The following EDIL3 variants were observed in gnomAD, a reference collection of about 807,000 sequenced individuals.
EDIL3 encodes EGF like and discoidin domains 3.
In EDIL3, 37 loss-of-function variants were observed where a neutral mutation model predicts 67.4. The observed-to-expected ratio is 0.55, with a 90% CI of 0.42 to 0.72. The LOEUF (loss-of-function observed/expected upper bound fraction) is 0.72, where lower values mean the gene tolerates loss of function less well. Among genes scored for constraint, EDIL3 ranks in the 30% least tolerant of loss-of-function variants. The pLI, the probability that EDIL3 is intolerant of heterozygous loss-of-function variation, is 0.00. For missense variants in EDIL3, 527 were observed against 586.3 expected, an observed-to-expected ratio of 0.90 and a Z score of 1.04; for synonymous variants, 195 against 196.3, an observed-to-expected ratio of 0.99 and a Z score of 0.05.
At chr5:84,076,795 C>A (rs951544643) in intron 6 of EDIL3, among the ~76,000 whole-genome samples, 2 of 152,088 alleles carry the variant, frequency 1.3e-5, no homozygotes, top group African/African-American at 4.8e-5. Flanking sequence ...CAATATCTGC[C>A]TGATACCCAG....
intron 4 of EDIL3, among the ~76,000 whole-genome samples, chr5:84,140,457 A>G (rs2112319337): frequency 6.6e-6 from 1 of 152,302 alleles, no homozygotes; most frequent in Non-Finnish European, 1.5e-5. Flanking sequence ...ATGTGAGCGT[A>G]AATCTAATTG....
In EDIL3 at chr5:84,301,163, G is replaced by A. The variant is rs568142258; in HGVS notation, c.68-46951C>T. Reference sequence around the variant, plus strand: ...CATGCCTGTAATCCCGGCTACTCGGGAGGCTGAGGCGGGAGAATCGCTTGA... The same window carrying A: ...CATGCCTGTAATCCCGGCTACTCGGAAGGCTGAGGCGGGAGAATCGCTTGA... On this transcript the variant is annotated intron_variant, in intron 1 of 10. Coordinates refer to ENST00000296591, the MANE Select transcript of EDIL3 (RefSeq NM_005711.5). Among the ~76,000 whole-genome samples the A allele has an allele frequency of 6.6e-5, 10 of 152,140 alleles. No homozygotes were observed. In the East Asian group the frequency reaches 1.9e-3, roughly 30 times the overall value.
chr5:84,034,267 T>C (rs1242758346), intron 9 of EDIL3, among the ~76,000 whole-genome samples: 1 of 152,208 alleles, frequency 6.6e-6, no homozygotes, highest in Non-Finnish European at 1.5e-5. Flanking sequence ...AATCATTTCA[T>C]TGAGAAAAGA....
At chr5:84,062,763 G>A (rs1382665896) in intron 8 of EDIL3, among the ~76,000 whole-genome samples, 1 of 152,074 alleles carries the variant, frequency 6.6e-6, no homozygotes, top group Non-Finnish European at 1.5e-5. Context: ...GGATTGTGGG[G>A]AGTAGTTTGG....
chr5:84,290,542 T>C (rs760726163), intron 1 of EDIL3, among the ~76,000 whole-genome samples: 1 of 151,916 alleles, frequency 6.6e-6, no homozygotes, highest in South Asian at 2.1e-4. Flanking sequence ...AAAAAAAGAG[T>C]CTGACCTTCT....
intron 10 of EDIL3, 152 bp downstream of exon 10, chr5:83,963,053 G>T: frequency 9.3e-7 from 1 of 1,075,738 alleles, no homozygotes; most frequent in Non-Finnish European, 1.2e-6. Flanking sequence ...CCCCTTTACA[G>T]TACTATTCTT....
intron 2 of EDIL3, among the ~76,000 whole-genome samples, chr5:84,231,435 C>T (rs886819758): frequency 2.0e-5 from 3 of 152,186 alleles, no homozygotes; most frequent in Admixed American, 2.0e-4. Context: ...AGTCCTATTT[C>T]ACTTGATTCA....
At chr5:84,069,938 G>A (rs114031542) in intron 6 of EDIL3, among the ~76,000 whole-genome samples, 4 of 152,230 alleles carry the variant, frequency 2.6e-5, no homozygotes, top group Non-Finnish European at 4.4e-5. Context: ...GTGGCTGGAT[G>A]TGGAGAGGAG....
chr5:84,359,427 A>G lies in EDIL3; in HGVS notation c.67+24881T>C, dbSNP rs1747551598. Among the ~76,000 whole-genome samples the G allele has an allele frequency of 3.3e-5, 5 of 152,338 alleles. No individual in the cohort carries two copies. In the South Asian group the frequency reaches 1.0e-3, roughly 32 times the overall value. Reference sequence around the variant, plus strand: ...TATGCAATTTTATTCTGAAATAAATAACAAACACAAGACTTAAATTTTAAC... The same window carrying G: ...TATGCAATTTTATTCTGAAATAAATGACAAACACAAGACTTAAATTTTAAC... On this transcript the variant is annotated intron_variant, in intron 1 of 10. Coordinates refer to ENST00000296591, the MANE Select transcript of EDIL3 (RefSeq NM_005711.5).
intron 1 of EDIL3, among the ~76,000 whole-genome samples, chr5:84,312,373 G>T (rs1339375623): frequency 2.2e-5 from 3 of 139,270 alleles, no homozygotes; most frequent in South Asian, 2.4e-4. Context: ...GCGGCTGGCC[G>T]GGCGGGGGGC....
At chr5:83,964,686 T>C (rs1179277661) in intron 9 of EDIL3, among the ~76,000 whole-genome samples, 1 of 152,082 alleles carries the variant, frequency 6.6e-6, no homozygotes, top group African/African-American at 2.4e-5. Flanking sequence ...TGAATTCACA[T>C]GAGCTTTTTG....
At chr5:83,969,392 TA>T (rs1744752303) in intron 9 of EDIL3, among the ~76,000 whole-genome samples, 1 of 151,632 alleles carries the variant, frequency 6.6e-6, no homozygotes, top group Non-Finnish European at 1.5e-5. Context: ...ATTTTAAAAA[TA>T]AACAAAAAAG....
chr5:84,329,474 ACT>A (rs1746828801), intron 1 of EDIL3, among the ~76,000 whole-genome samples: 2 of 151,998 alleles, frequency 1.3e-5, no homozygotes, highest in South Asian at 4.1e-4. Flanking sequence ...GTTATGAAAG[ACT>A]CTCACAGTTG....
At chr5:84,047,440 G>A (rs1746243867) in intron 9 of EDIL3, among the ~76,000 whole-genome samples, 1 of 152,164 alleles carries the variant, frequency 6.6e-6, no homozygotes, top group Middle Eastern at 3.4e-3. Flanking sequence ...TGAGTATTAA[G>A]TAGATGTGTT....
intron 4 of EDIL3, among the ~76,000 whole-genome samples, chr5:84,138,977 C>T (rs1317706240): frequency 6.6e-6 from 1 of 152,206 alleles, no homozygotes; most frequent in African/African-American, 2.4e-5. Flanking sequence ...TGGTGGCTCA[C>T]ACCTGTCATC....
At chr5:84,141,923 A>G (rs1222625915) in intron 4 of EDIL3, among the ~76,000 whole-genome samples, 1 of 86,746 alleles carries the variant, frequency 1.2e-5, no homozygotes, top group Non-Finnish European at 2.1e-5. Context: ...ATATATATAT[A>G]CACATATATA....
intron 3 of EDIL3, among the ~76,000 whole-genome samples, chr5:84,211,375 C>A (rs1167223164): frequency 6.6e-6 from 1 of 152,192 alleles, no homozygotes; most frequent in Non-Finnish European, 1.5e-5. Context: ...GAGGCTCTTA[C>A]CAGATGCAGA....
At chr5:84,023,538 A>G (rs993140513) in intron 9 of EDIL3, among the ~76,000 whole-genome samples, 1 of 152,100 alleles carries the variant, frequency 6.6e-6, no homozygotes, top group Admixed American at 6.6e-5. Context: ...ATTTTAGCAT[A>G]TATGTTTCTA....
In EDIL3 at chr5:84,131,843, T is replaced by C. The variant is rs368811505; in HGVS notation, c.469+5398A>G. On this transcript the variant is annotated intron_variant, in intron 5 of 10. Coordinates refer to ENST00000296591, the MANE Select transcript of EDIL3 (RefSeq NM_005711.5). ...AATATTGAGCATAACAATACAAATC[T>C]CATCATGTATTTATCTCTACAATGT... is the stretch of plus-strand genomic sequence containing the variant. Among the ~76,000 whole-genome samples, 28 of 152,262 alleles carry C rather than the reference T, an allele frequency of 1.8e-4. No individual in the cohort carries two copies. In the East Asian group the frequency reaches 4.6e-3, roughly 25 times the overall value.
Sources: gnomAD v4.1 joint callset for allele counts (sites outside exome capture counted in the v4.1 genomes callset) on GRCh38, gnomAD v4.1.1 for gene constraint, MANE v1.5 for transcripts, NCBI Gene and HGNC (gene_info 2026-07-23, HGNC 2026-07-21) for gene names.